SH3PXD2B: variants seen among roughly 807,000 people sequenced by gnomAD.
SH3PXD2B encodes SH3 and PX domain-containing protein 2B.
SH3PXD2B carries 37 observed loss-of-function variants against 73.1 expected under a neutral mutation model. That is an observed-to-expected ratio of 0.51 (90% CI 0.39 to 0.67). SH3PXD2B has a LOEUF of 0.67. SH3PXD2B is among the 30% of genes least tolerant of loss of function. SH3PXD2B has a pLI of 0.00. For synonymous variants in SH3PXD2B, 457 were observed against 480.5 expected (o/e 0.95, Z 0.64); for missense variants, 1,053 against 1,197.8 (o/e 0.88, Z 1.78).
chr5:172,368,606 A>ATAAAAT (rs1491452019), intron 6 of SH3PXD2B, among the ~76,000 whole-genome samples: 1 of 19,250 alleles, frequency 5.2e-5, no homozygotes, highest in African/African-American at 3.9e-4. Flanking sequence ...TTATATATAT[A>ATAAAAT]ATATATATGT....
At chr5:172,434,746 T>C (rs1215672614) in intron 1 of SH3PXD2B, among the ~76,000 whole-genome samples, 1 of 151,848 alleles carries the variant, frequency 6.6e-6, no homozygotes. Flanking sequence ...CATGACAAAG[T>C]TATTACATTT....
At chr5:172,396,190 T>TA (rs1758291475) in intron 3 of SH3PXD2B, among the ~76,000 whole-genome samples, 1 of 54,934 alleles carries the variant, frequency 1.8e-5, no homozygotes, top group Non-Finnish European at 3.3e-5. Context: ...CTGTCTCTAC[T>TA]AAAAATACAA....
intron 7 of SH3PXD2B, among the ~76,000 whole-genome samples, chr5:172,361,183 A>G (rs1009772078): frequency 1.3e-5 from 2 of 152,182 alleles, no homozygotes; most frequent in Admixed American, 1.3e-4. Context: ...GTGTGAGTGT[A>G]TATGTTCACA....
rs576353356 is a variant in SH3PXD2B at position 172,443,728 on chromosome 5, G to C, written c.75+10550C>G. 2.3e-4 allele frequency among the ~76,000 whole-genome samples: 35 copies of C among 152,382 alleles called. No individual in the cohort carries two copies. In the South Asian group the frequency reaches 6.8e-3, roughly 30 times the overall value. On this transcript the variant is annotated intron_variant, in intron 1 of 12. Coordinates refer to ENST00000311601, the MANE Select transcript of SH3PXD2B (RefSeq NM_001017995.3). Reference sequence around the variant, plus strand: ...TGATTCACACCTTGGCTGAGGAGGAGGAAATGGTGACGCCAACGCGTGGGT... The same window carrying C: ...TGATTCACACCTTGGCTGAGGAGGACGAAATGGTGACGCCAACGCGTGGGT...
rs779803182 is a variant in SH3PXD2B at position 172,337,347 on chromosome 5, G to A, written c.*1022C>T. On this transcript the variant is annotated 3_prime_UTR_variant, in exon 13 of 13. Transcript: ENST00000311601. ...GGGAGGGCACAGGCACTGAAGTCAG[G>A]CAGGCCTGGACTCAAATCCTCTTCC... The A allele has an allele frequency of 7.1e-6, 7 of 985,202 alleles. No homozygotes were observed. The highest frequency in any genetic ancestry group is 8.4e-6 in the Non-Finnish European group (7 of 829,780). The allele number at this position is 985,202 out of a possible 1,614,324, so 61.0% of individuals were successfully genotyped here.
chr5:172,423,005 C>CCTGCTTCCTCTGCCTCCT (rs1554141164), intron 1 of SH3PXD2B, among the ~76,000 whole-genome samples: 2 of 152,206 alleles, frequency 1.3e-5, no homozygotes, highest in Non-Finnish European at 2.9e-5. Flanking sequence ...GCTAACAGCA[C>CCTGCTTCCTCTGCCTCCT]CTGCTTCCTC....
intron 6 of SH3PXD2B, among the ~76,000 whole-genome samples, chr5:172,372,986 G>T (rs1330139725): frequency 6.6e-6 from 1 of 152,204 alleles, no homozygotes; most frequent in Non-Finnish European, 1.5e-5. Flanking sequence ...AACCCCAGGG[G>T]AGAGCTCAAT....
Position 172,340,031 on chromosome 5 carries a change from C to A in SH3PXD2B, c.1189-115G>T, listed in dbSNP as rs1756817814. ...CTAGAAGCTGTCACTGTGTACTCAG[C>A]AGCTCCTCTGACAAGGTCTACAGGG... On this transcript the variant is annotated intron_variant, in intron 12 of 12. Transcript: ENST00000311601. 4.5e-6 allele frequency: 7 copies of A among 1,548,494 alleles called. No individual in the cohort carries two copies. The South Asian group carries it at 7.1e-5, about 16-fold the overall frequency.
chr5:172,365,063 C>G lies in SH3PXD2B; in HGVS notation c.428-2194G>C, dbSNP rs189683115. On this transcript the variant is annotated intron_variant, in intron 6 of 12. Transcript: ENST00000311601. The stretch of plus-strand genomic sequence containing the variant: ...TGTGCCCATGCTCTGGCCACTCCCC[C>G]TCCCTGCCTGAGGGTAACAGGGAAA... Among the ~76,000 whole-genome samples, 426 of 152,328 alleles carry G rather than the reference C, an allele frequency of 2.8e-3. 1 individual carries two copies. The highest frequency in any genetic ancestry group is 9.5e-3 in the African/African-American group (396 of 41,566).
intron 5 of SH3PXD2B, among the ~76,000 whole-genome samples, chr5:172,379,243 A>T (rs574778421): frequency 8.6e-4 from 129 of 150,368 alleles, no homozygotes; most frequent in African/African-American, 3.0e-3. Flanking sequence ...CAAAGGTAAG[A>T]GGATCGCTTG....
rs1756687224 is a variant in SH3PXD2B at position 172,336,247 on chromosome 5, T to C, written c.*2122A>G. On this transcript the variant is annotated 3_prime_UTR_variant, in exon 13 of 13. Transcript: ENST00000311601. ...AAATGCAGTCAAATCTCACATAGCT[T>C]CACAAAAGTTGTTTAAACCAAAGTG... 1.0e-6 allele frequency: 1 copy of C among 985,376 alleles called. No homozygotes were observed. Among genetic ancestry groups the C allele is most frequent in the Admixed American group, 6.1e-5 (1 of 16,266 alleles). 61.0% of individuals were successfully genotyped at this position (985,376 alleles called of 1,614,324 possible).
At chr5:172,437,788 G>C (rs1325498630) in intron 1 of SH3PXD2B, among the ~76,000 whole-genome samples, 2 of 152,326 alleles carry the variant, frequency 1.3e-5, no homozygotes, top group African/African-American at 2.4e-5. Context: ...ACTGCACTCT[G>C]TCCACAGGGC....
intron 6 of SH3PXD2B, among the ~76,000 whole-genome samples, chr5:172,372,233 G>C (rs1472790285): frequency 6.6e-6 from 1 of 152,164 alleles, no homozygotes; most frequent in African/African-American, 2.4e-5. Flanking sequence ...ATTGGATCAT[G>C]GGGGTGGGTC....
chr5:172,339,045 TG>T lies in SH3PXD2B; in HGVS notation c.2059del (p.Gln687ArgfsTer3), dbSNP rs1369147255. 1 of 1,614,178 alleles carries T rather than the reference TG, an allele frequency of 6.2e-7. No homozygotes were observed. ...DKSLLDGEGPQAVGGQDVAFS... is the reference protein window; with the variant it reads ...DKSLLDGEGPXAVGGQDVAFS... ...GGCCACGTCTTGGCCCCCTACTGCC[TG>T]GGGGCCCTCCCCATCCAACAAGGAC... On this transcript the variant is annotated frameshift_variant, in exon 13 of 13. Transcript: ENST00000311601. LOFTEE classifies it low-confidence loss of function (END_TRUNC). This position sits in a 1 kb window ranked among gnomAD's most constrained non-coding sequence, Gnocchi z 6.1.
chr5:172,370,398 G>A (rs184583352), intron 6 of SH3PXD2B, among the ~76,000 whole-genome samples: 35 of 152,316 alleles, frequency 2.3e-4, no homozygotes, highest in Admixed American at 2.2e-3. Flanking sequence ...TAACCAGTGT[G>A]CCAATGGGAT....
intron 12 of SH3PXD2B, among the ~76,000 whole-genome samples, chr5:172,344,169 C>T (rs1453109492): frequency 6.6e-6 from 1 of 152,102 alleles, no homozygotes; most frequent in Non-Finnish European, 1.5e-5. Flanking sequence ...TAAGGTGTTA[C>T]TGGTAGCCCT....
At chr5:172,453,049 G>A (rs1171459648) in intron 1 of SH3PXD2B, among the ~76,000 whole-genome samples, 1 of 151,800 alleles carries the variant, frequency 6.6e-6, no homozygotes, top group Non-Finnish European at 1.5e-5. Context: ...GTGGGTTCCC[G>A]GCTATCTCCT....
At chr5:172,368,835 T>C (rs1484376953) in intron 6 of SH3PXD2B, among the ~76,000 whole-genome samples, 1 of 134,668 alleles carries the variant, frequency 7.4e-6, no homozygotes, top group Non-Finnish European at 1.5e-5. Context: ...AATACATTTT[T>C]ATAATACATA....
chr5:172,342,975 C>T (rs1482265242), intron 12 of SH3PXD2B, among the ~76,000 whole-genome samples: 22 of 152,220 alleles, frequency 1.4e-4, no homozygotes, highest in Admixed American at 1.2e-3. Context: ...TGGGGCAAGC[C>T]ACGTGCCTCA....
Sources: allele counts gnomAD v4.1 joint callset (sites outside exome capture counted in the v4.1 genomes callset), GRCh38; gene constraint gnomAD v4.1.1; non-coding constraint Gnocchi (gnomAD v3.1); transcripts MANE v1.5; gene names NCBI Gene and HGNC (gene_info 2026-07-23, HGNC 2026-07-21).